Variants in ME1 observed in about 807,000 individuals in gnomAD.
The protein encoded by ME1 is NADP-dependent malic enzyme.
In ME1, 74 loss-of-function variants were observed where a neutral mutation model predicts 66.4. The observed-to-expected ratio is 1.11, with a 90% CI of 0.92 to 1.35. ME1 has a LOEUF of 1.35. Among genes scored for constraint, ME1 ranks in the 40% most tolerant of loss-of-function variants. The pLI is 0.00. For missense variants in ME1, 750 were observed against 694.1 expected (o/e 1.08, Z -0.90); for synonymous variants, 251 against 235.6 (o/e 1.07, Z -0.60).
chr6:83,323,120 C>T (rs759001549), intron 5 of ME1, among the ~76,000 whole-genome samples: 11 of 152,114 alleles, frequency 7.2e-5, no homozygotes, highest in Non-Finnish European at 1.0e-4. Flanking sequence ...GATTTTGTCA[C>T]CACCAGACCT....
chr6:83,329,079 CTA>C (rs1208920578), intron 5 of ME1, among the ~76,000 whole-genome samples: 2 of 152,100 alleles, frequency 1.3e-5, no homozygotes, highest in African/African-American at 4.8e-5. Context: ...TCCCACATTT[CTA>C]TCTTTACAAT....
chr6:83,381,097 A>G (rs1054523531), intron 3 of ME1, among the ~76,000 whole-genome samples: 2 of 152,158 alleles, frequency 1.3e-5, no homozygotes, highest in African/African-American at 4.8e-5. Flanking sequence ...AGATGAGCCA[A>G]AAACACAGCT....
chr6:83,304,141 A>T (rs1767781359), intron 6 of ME1, among the ~76,000 whole-genome samples: 1 of 152,156 alleles, frequency 6.6e-6, no homozygotes, highest in South Asian at 2.1e-4. Flanking sequence ...TTAGCATTTT[A>T]CCCCAATTTA....
intron 1 of ME1, among the ~76,000 whole-genome samples, chr6:83,429,463 G>T (rs143938454): frequency 6.6e-5 from 10 of 152,110 alleles, no homozygotes; most frequent in Non-Finnish European, 1.5e-4. Context: ...ATTACAGTAG[G>T]CAGGTGACAC....
At chr6:83,365,487 A>C (rs1376601077) in intron 3 of ME1, among the ~76,000 whole-genome samples, 3 of 152,172 alleles carry the variant, frequency 2.0e-5, no homozygotes, top group Non-Finnish European at 4.4e-5. Flanking sequence ...TGATGCAGAG[A>C]GGGGTGCAGC....
chr6:83,305,637 G>T (rs1367322879), intron 6 of ME1, among the ~76,000 whole-genome samples: 1 of 152,088 alleles, frequency 6.6e-6, no homozygotes, highest in Non-Finnish European at 1.5e-5. Context: ...ACATCATAGA[G>T]GTCAGGAAGG....
At chr6:83,354,960 A>G (rs1292443252) in intron 3 of ME1, among the ~76,000 whole-genome samples, 1 of 152,214 alleles carries the variant, frequency 6.6e-6, no homozygotes, top group Middle Eastern at 3.2e-3. Context: ...CGTCAGTGCT[A>G]TAGGAAGATT....
At chr6:83,417,007 A>G (rs1770173358) in intron 1 of ME1, among the ~76,000 whole-genome samples, 1 of 151,822 alleles carries the variant, frequency 6.6e-6, no homozygotes, top group South Asian at 2.1e-4. Flanking sequence ...CATGTTCTTC[A>G]TTACTTTGAA....
intron 6 of ME1, among the ~76,000 whole-genome samples, chr6:83,276,777 A>T (rs1583352614): frequency 6.6e-6 from 1 of 152,248 alleles, no homozygotes; most frequent in East Asian, 1.9e-4. Context: ...TTGACAAAAA[A>T]AATTTTAAAG....
chr6:83,212,603 C>T (rs1024525802), intron 13 of ME1, among the ~76,000 whole-genome samples: 5 of 152,166 alleles, frequency 3.3e-5, no homozygotes, highest in Non-Finnish European at 7.4e-5. Flanking sequence ...GGTCATCACG[C>T]CCTGTGTTTC....
intron 3 of ME1, among the ~76,000 whole-genome samples, chr6:83,397,460 A>C (rs1225038529): frequency 1.3e-5 from 2 of 152,220 alleles, no homozygotes; most frequent in East Asian, 3.8e-4. Flanking sequence ...GGCTATACCA[A>C]AAAGATGAAC....
At chr6:83,298,083 T>C (rs28866532) in intron 6 of ME1, among the ~76,000 whole-genome samples, 12 of 152,322 alleles carry the variant, frequency 7.9e-5, no homozygotes, top group South Asian at 6.2e-4. Context: ...AACCCAGTAA[T>C]GGGATTGTTG....
At chr6:83,263,519 T>C (rs961005788) in intron 6 of ME1, among the ~76,000 whole-genome samples, 3 of 152,046 alleles carry the variant, frequency 2.0e-5, no homozygotes, top group African/African-American at 7.2e-5. Flanking sequence ...ACATAAATGA[T>C]AAGAAAGCAA....
chr6:83,403,238 G>A (rs1247565472), intron 2 of ME1, among the ~76,000 whole-genome samples: 1 of 152,172 alleles, frequency 6.6e-6, no homozygotes, highest in African/African-American at 2.4e-5. Flanking sequence ...CAAAGATTAA[G>A]TATGATTTGA....
chr6:83,366,887 A>T (rs1769110359), intron 3 of ME1, among the ~76,000 whole-genome samples: 1 of 152,214 alleles, frequency 6.6e-6, no homozygotes, highest in Admixed American at 6.5e-5. Flanking sequence ...AAAGTTCTCA[A>T]TGCCATCTAG....
At chr6:83,239,712 G>T in intron 7 of ME1, 76 bp from the exon 8 acceptor site, 1 of 1,017,808 alleles carries the variant, frequency 9.8e-7, no homozygotes, top group Non-Finnish European at 1.5e-6. Context: ...TTCACAACTT[G>T]AAATAATCAT....
chr6:83,360,306 G>A (rs769813028), intron 3 of ME1, among the ~76,000 whole-genome samples: 1 of 152,186 alleles, frequency 6.6e-6, no homozygotes, highest in Non-Finnish European at 1.5e-5. Flanking sequence ...TGGGGAAAGG[G>A]AAATGATCAG....
At chr6:83,265,050 T>C (rs965987881) in intron 6 of ME1, among the ~76,000 whole-genome samples, 2 of 152,184 alleles carry the variant, frequency 1.3e-5, no homozygotes, top group African/African-American at 4.8e-5. Flanking sequence ...ATTACTGTCC[T>C]ATTTTCAGAA....
chr6:83,244,111 A>G (rs1283266580), intron 7 of ME1, among the ~76,000 whole-genome samples: 1 of 151,742 alleles, frequency 6.6e-6, no homozygotes, highest in Non-Finnish European at 1.5e-5. Context: ...AGACCCTCCA[A>G]TCTTCTCCTA....
Sources: allele counts gnomAD v4.1 joint callset (sites outside exome capture counted in the v4.1 genomes callset), GRCh38; gene constraint gnomAD v4.1.1; transcripts MANE v1.5; gene names NCBI Gene and HGNC (gene_info 2026-07-23, HGNC 2026-07-21).